Variants in MEI4 observed in about 807,000 individuals in gnomAD.
MEI4 encodes meiosis-specific protein MEI4.
In MEI4, 27 loss-of-function variants were observed where a neutral mutation model predicts 31.4. The ratio of observed to expected loss-of-function variants is 0.86; its 90% confidence interval spans 0.63 to 1.19. MEI4 has a LOEUF of 1.19. MEI4 is among the 50% of genes most tolerant of loss of function. MEI4 has a pLI of 0.00. For synonymous variants in MEI4, 122 were observed against 145.4 expected (o/e 0.84, Z 1.16); for missense variants, 329 against 398.9 (o/e 0.82, Z 1.49).
At chr6:77,711,031 C>A (rs1766453539) in intron 2 of MEI4, among the ~76,000 whole-genome samples, 1 of 152,152 alleles carries the variant, frequency 6.6e-6, no homozygotes, top group South Asian at 2.1e-4. Flanking sequence ...TCTATGAGAT[C>A]AGCTTTTTTA....
intron 3 of MEI4, among the ~76,000 whole-genome samples, chr6:77,822,897 C>T (rs1485092818): frequency 6.6e-6 from 1 of 152,030 alleles, no homozygotes; most frequent in Non-Finnish European, 1.5e-5. Context: ...GCTGGGATTA[C>T]AGGTGTGAGC....
chr6:77,919,945 C>A (rs933125559), intron 4 of MEI4, among the ~76,000 whole-genome samples: 3 of 147,778 alleles, frequency 2.0e-5, no homozygotes, highest in African/African-American at 7.5e-5. Context: ...CAAGACTGAA[C>A]CAGGAAGAAG....
At chr6:77,775,804 G>A (rs970175558) in intron 3 of MEI4, among the ~76,000 whole-genome samples, 9 of 152,148 alleles carry the variant, frequency 5.9e-5, no homozygotes, top group East Asian at 3.9e-4. Flanking sequence ...ACTAGTTTCC[G>A]TTCCCACCAG....
At chr6:77,911,094 G>T (rs1766424881) in intron 4 of MEI4, among the ~76,000 whole-genome samples, 1 of 151,754 alleles carries the variant, frequency 6.6e-6, no homozygotes, top group South Asian at 2.1e-4. Context: ...CATGTCCTTT[G>T]CCCACTTATT....
At chr6:77,791,871 A>T (rs935445999) in intron 3 of MEI4, among the ~76,000 whole-genome samples, 1 of 152,082 alleles carries the variant, frequency 6.6e-6, no homozygotes, top group East Asian at 1.9e-4. Flanking sequence ...AGATCTATTG[A>T]ACTTACTTCT....
chr6:77,838,548 G>A (rs1374825916), intron 4 of MEI4, among the ~76,000 whole-genome samples: 1 of 152,070 alleles, frequency 6.6e-6, no homozygotes, highest in Non-Finnish European at 1.5e-5. Flanking sequence ...ATATAATAAA[G>A]CCACTACAAT....
At chr6:77,672,634 G>C (rs1036151487) in intron 1 of MEI4, among the ~76,000 whole-genome samples, 1 of 152,176 alleles carries the variant, frequency 6.6e-6, no homozygotes, top group African/African-American at 2.4e-5. Context: ...CCGCCTCCCA[G>C]GTTCAAGCGA....
rs151247199 is a variant in MEI4, at chr6:77,816,489, C to G, written c.769-12442C>G. ...TACATTTCATCCTTTTTTATGGCCG[C>G]ATAGTATTCCACAGTGTATATGTGC... On this transcript the variant is annotated intron_variant, in intron 3 of 4. Transcript: ENST00000684080. Among the ~76,000 whole-genome samples the G allele has an allele frequency of 1.3e-4, 20 of 152,222 alleles. No homozygotes were observed. In the East Asian group the frequency reaches 3.7e-3, roughly 28 times the overall value.
At chr6:77,763,220 T>G (rs1375252492) in intron 3 of MEI4, among the ~76,000 whole-genome samples, 1 of 152,064 alleles carries the variant, frequency 6.6e-6, no homozygotes, top group Admixed American at 6.6e-5. Flanking sequence ...TCCACCTTCC[T>G]CAAGCAGATG....
Position 77,681,036 on chromosome 6 carries a change from C to T in MEI4, c.-14-9622C>T, listed in dbSNP as rs535121465. ...ACAAAATGACTTTTTTGGATAGGGC[C>T]ATTTACCTTTTCCACAGGACTCTGT... On this transcript the variant is annotated intron_variant, in intron 1 of 4. Transcript: ENST00000684080. 3.3e-5 allele frequency among the ~76,000 whole-genome samples: 5 copies of T among 151,984 alleles called. No individual in the cohort carries two copies. In the South Asian group the frequency reaches 1.0e-3, roughly 32 times the overall value.
chr6:77,758,155 C>CA (rs58249702), intron 2 of MEI4, among the ~76,000 whole-genome samples: 18,308 of 115,666 alleles, frequency 0.16, 1,204 homozygotes, highest in Middle Eastern at 0.21. Context: ...CTCCATCTCA[C>CA]AAAAAAAAAA....
chr6:77,802,335 C>A (rs987628850), intron 3 of MEI4, among the ~76,000 whole-genome samples: 1 of 152,174 alleles, frequency 6.6e-6, no homozygotes, highest in South Asian at 2.1e-4. Context: ...AGATCTTCCT[C>A]CATCCCTTTA....
intron 4 of MEI4, among the ~76,000 whole-genome samples, chr6:77,849,067 A>C (rs903438855): frequency 8.5e-5 from 13 of 152,140 alleles, no homozygotes; most frequent in African/African-American, 3.1e-4. Context: ...TGGCATCATT[A>C]GCATTAGGGA....
intron 3 of MEI4, among the ~76,000 whole-genome samples, chr6:77,811,642 G>A (rs898555021): frequency 8.6e-5 from 13 of 151,976 alleles, no homozygotes; most frequent in Non-Finnish European, 7.4e-5. Flanking sequence ...GGGTGTGGTG[G>A]TGGACACCTT....
At chr6:77,902,969 C>T (rs1766216388) in intron 4 of MEI4, among the ~76,000 whole-genome samples, 1 of 152,074 alleles carries the variant, frequency 6.6e-6, no homozygotes, top group Admixed American at 6.6e-5. Context: ...AATAAACTTT[C>T]TAAATTAACT....
Position 77,680,299 on chromosome 6 carries a change from T to A in MEI4, c.-14-10359T>A, listed in dbSNP as rs907864904. Among the ~76,000 whole-genome samples the A allele has an allele frequency of 5.8e-4, 86 of 148,520 alleles. 2 individuals carry two copies. The highest frequency in any genetic ancestry group is 2.0e-3 in the African/African-American group (76 of 38,916). On this transcript the variant is annotated intron_variant, in intron 1 of 4. Coordinates refer to ENST00000684080, the MANE Select transcript of MEI4 (RefSeq NM_001322247.2). The stretch of plus-strand genomic sequence containing the variant: ...CAAAAAATAAAAAATAAAAAAAAAA[T>A]AAAAGGTCTTCTAGTATTTAGCTTG...
chr6:77,855,481 C>G lies in MEI4; in HGVS notation c.900+26419C>G, dbSNP rs1432416811. On this transcript the variant is annotated intron_variant, in intron 4 of 4. Transcript: ENST00000684080. ...TCGTAAGGCTGAGGTCTATCTTACT[C>G]TAAACTCTAGTGCCTTAATGAGTAT... is the stretch of plus-strand genomic sequence containing the variant. 2.0e-5 allele frequency among the ~76,000 whole-genome samples: 3 copies of G among 152,318 alleles called. No individual in the cohort carries two copies. The East Asian group carries it at 5.8e-4, about 29-fold the overall frequency.
chr6:77,771,768 G>A (rs1582125708), intron 3 of MEI4, among the ~76,000 whole-genome samples: 2 of 151,958 alleles, frequency 1.3e-5, no homozygotes, highest in Admixed American at 1.3e-4. Flanking sequence ...GGTAACAATA[G>A]ACACTGGATC....
chr6:77,677,504 A>G (rs1268171023), intron 1 of MEI4, among the ~76,000 whole-genome samples: 1 of 152,232 alleles, frequency 6.6e-6, no homozygotes, highest in African/African-American at 2.4e-5. Flanking sequence ...TGGATCACAA[A>G]GTACTTTTGA....
Sources: allele counts gnomAD v4.1 joint callset (sites outside exome capture counted in the v4.1 genomes callset), GRCh38; gene constraint gnomAD v4.1.1; transcripts MANE v1.5; gene names NCBI Gene and HGNC (gene_info 2026-07-23, HGNC 2026-07-21).